ADAMTS5: variants seen among roughly 807,000 people sequenced by gnomAD.
The protein encoded by ADAMTS5 is A disintegrin and metalloproteinase with thrombospondin motifs 5.
Under a neutral mutation model 81.4 loss-of-function variants are expected in ADAMTS5, and 54 were observed. The observed-to-expected ratio is 0.66, with a 90% CI of 0.53 to 0.83. ADAMTS5 has a LOEUF of 0.83. ADAMTS5 is among the 40% of genes least tolerant of loss of function. The pLI, the probability that ADAMTS5 is intolerant of heterozygous loss-of-function variation, is 0.00. For synonymous variants in ADAMTS5, 532 were observed against 508.8 expected (o/e 1.05, Z -0.61); for missense variants, 1,194 against 1,229.9 (o/e 0.97, Z 0.44).
chr21:26,926,317 G>A (rs1824222299), intron 7 of ADAMTS5, among the ~76,000 whole-genome samples: 2 of 152,172 alleles, frequency 1.3e-5, no homozygotes, highest in Admixed American at 6.6e-5. Context: ...TATGAAATGG[G>A]GATATATGAC....
chr21:26,943,263 A>T, intron 3 of ADAMTS5, 117 bp downstream of exon 3: 1 of 1,045,028 alleles, frequency 9.6e-7, no homozygotes, highest in Non-Finnish European at 1.4e-6. Context: ...TTCTGACACT[A>T]TCCACACAAC....
Position 26,966,532 on chromosome 21 carries a change from C to T in ADAMTS5, c.-141G>A. On this transcript the variant is annotated 5_prime_UTR_variant, in exon 1 of 8. Transcript: ENST00000284987. ...AGTCAAGTGTCGGAGGGAGGGGGGCCCGGCAGCAGCGCCAGCCTGTCCGGG... is the reference window on the plus strand; with the variant it reads ...AGTCAAGTGTCGGAGGGAGGGGGGCTCGGCAGCAGCGCCAGCCTGTCCGGG... The T allele has an allele frequency of 1.3e-6, 1 of 797,214 alleles. No homozygotes were observed. 49.4% of individuals were successfully genotyped at this position (797,214 alleles called of 1,614,324 possible).
chr21:26,958,917 C>G (rs563932789), intron 1 of ADAMTS5, among the ~76,000 whole-genome samples: 10 of 152,302 alleles, frequency 6.6e-5, no homozygotes, highest in Non-Finnish European at 1.0e-4. Context: ...GAAGGATACT[C>G]TGGCAAGGAA....
Position 26,919,490 on chromosome 21 carries a change from C to A in ADAMTS5, c.*4563G>T, listed in dbSNP as rs1986648598. 1 of 148,874 alleles carries A rather than the reference C, an allele frequency of 6.7e-6. No individual in the cohort carries two copies. Among genetic ancestry groups the A allele is most frequent in the Non-Finnish European group, 1.5e-5 (1 of 67,734 alleles). The allele number at this position is 148,874 out of a possible 1,614,324, so 9.2% of individuals were successfully genotyped here. ...GTTAATGTCTTTTTTTTTTCAAAAC[C>A]AACATCATCTAACAACATATTCTTT... On this transcript the variant is annotated 3_prime_UTR_variant, in exon 8 of 8. Coordinates refer to ENST00000284987, the MANE Select transcript of ADAMTS5 (RefSeq NM_007038.5).
In ADAMTS5 at chr21:26,966,129, C is replaced by G; in HGVS notation, c.263G>C (p.Gly88Ala). 1 of 1,612,390 alleles carries G rather than the reference C, an allele frequency of 6.2e-7. No homozygotes were observed. ...DQLYSGGGKV[G>A]YLVYAGGRRF... ...CCGGCCGCCCGCGTAGACGAGGTAG[C>G]CCACCTTGCCGCCGCCGGAGTAGAG... Residue 88 changes from glycine (G) to alanine (A), a missense_variant, in exon 1 of 8, where the codon GGC becomes GCC. Transcript: ENST00000284987.
chr21:26,960,853 GC>G (rs1343598805), intron 1 of ADAMTS5, among the ~76,000 whole-genome samples: 3 of 152,158 alleles, frequency 2.0e-5, no homozygotes, highest in Non-Finnish European at 4.4e-5. Flanking sequence ...TGTCTGCAAT[GC>G]CTATCTCCTC....
rs779838483 is a variant in ADAMTS5, at chr21:26,933,031, C to T, written c.1703G>A (p.Gly568Asp). The T allele has an allele frequency of 6.2e-7, 1 of 1,612,850 alleles. No individual in the cohort carries two copies. Among genetic ancestry groups the T allele is most frequent in the Non-Finnish European group, 8.5e-7 (1 of 1,179,652 alleles). ...CCAGGATCCCCAAGATCCCCAGTTG[C>T]CATGGCTTGACGTCTGAAATAGAGA... ...KKKYYSTSSH[G>D]NWGSWGSWGQ... The change falls in exon 5 of 8, where the codon GGC becomes GAC. Residue 568 changes from glycine to aspartate, a missense_variant. By Grantham distance (94) the Gly-to-Asp change is moderately conservative. Transcript: ENST00000284987.
chr21:26,943,153 T>C (rs1217491333), intron 3 of ADAMTS5, among the ~76,000 whole-genome samples: 3 of 152,194 alleles, frequency 2.0e-5, no homozygotes, highest in Admixed American at 6.5e-5. Flanking sequence ...CTGCTTCTCC[T>C]TTGAAATTTT....
intron 1 of ADAMTS5, among the ~76,000 whole-genome samples, chr21:26,962,482 G>A (rs1226886470): frequency 3.3e-5 from 5 of 152,208 alleles, no homozygotes; most frequent in Admixed American, 6.5e-5. Context: ...AAGTGTGATC[G>A]TTTGATAAAT....
intron 3 of ADAMTS5, among the ~76,000 whole-genome samples, chr21:26,936,113 G>A (rs1281382007): frequency 6.6e-6 from 1 of 152,170 alleles, no homozygotes; most frequent in Non-Finnish European, 1.5e-5. Context: ...TATGGCTTCT[G>A]TTAGCATGTG....
In ADAMTS5 at chr21:26,966,804, C is replaced by T. The variant is rs1191049353; in HGVS notation, c.-413G>A. On this transcript the variant is annotated 5_prime_UTR_variant, in exon 1 of 8. Transcript: ENST00000284987. The stretch of plus-strand genomic sequence containing the variant: ...GCACCGGGCTGGCAACTGGTGCGCG[C>T]AGCCTCCCGCCCCCGCGCTGCGCTG... 6.6e-6 allele frequency among the ~76,000 whole-genome samples: 1 copy of T among 152,128 alleles called. No homozygotes were observed. Among genetic ancestry groups the T allele is most frequent in the African/African-American group, 2.4e-5 (1 of 41,412 alleles).
chr21:26,935,855 T>C (rs1987004464), intron 3 of ADAMTS5, among the ~76,000 whole-genome samples: 2 of 152,228 alleles, frequency 1.3e-5, no homozygotes, highest in Admixed American at 1.3e-4. Context: ...GTTTACTTTA[T>C]TTTAGGATTT....
intron 3 of ADAMTS5, among the ~76,000 whole-genome samples, chr21:26,938,112 C>T (rs1001630717): frequency 1.3e-4 from 19 of 151,762 alleles, no homozygotes; most frequent in South Asian, 8.3e-4. Flanking sequence ...TGGTGGCGGG[C>T]GCCTGTAGTC....
Position 26,966,382 on chromosome 21 carries a change from C to T in ADAMTS5, c.10G>A (p.Gly4Arg), listed in dbSNP as rs573850924. 3.4e-6 allele frequency: 5 copies of T among 1,475,764 alleles called. No individual in the cohort carries two copies. Among genetic ancestry groups the T allele is most frequent in the Non-Finnish European group, 4.4e-6 (5 of 1,125,560 alleles). The allele number at this position is 1,475,764 out of a possible 1,614,324, so 91.4% of individuals were successfully genotyped here. Residue 4 changes from glycine to arginine, a missense_variant, in exon 1 of 8, where the codon GGG (glycine) becomes AGG (arginine). By Grantham distance (125) the Gly-to-Arg change is moderately radical. Around this residue, in one of 2 missense-constraint regions of ADAMTS5, gnomAD observed 498 missense variants for 412.3 expected, o/e 1.21. Coordinates refer to ENST00000284987, the MANE Select transcript of ADAMTS5 (RefSeq NM_007038.5). The part of the protein sequence containing the change: MLL[G>R]WASLLLCAFR... ...GCGCACAGCAGCAGGGACGCCCACC[C>T]GAGCAGCATAGTGCGCTGCCCGCGG...
chr21:26,966,657 T>TA lies in ADAMTS5; in HGVS notation c.-267dup, dbSNP rs34772523. On this transcript the variant is annotated 5_prime_UTR_variant, in exon 1 of 8. Coordinates refer to ENST00000284987, the MANE Select transcript of ADAMTS5 (RefSeq NM_007038.5). Reference sequence around the variant, plus strand: ...GTGGGGGGGGGGGGAAAGAAAAGATTAAAAAAAAAAAGTCGGATAGTGGAG... The same window carrying TA: ...GTGGGGGGGGGGGGAAAGAAAAGATTAAAAAAAAAAAAGTCGGATAGTGGAG... The TA allele has an allele frequency of 4.8e-4, 81 of 169,900 alleles. No homozygotes were observed. The highest frequency in any genetic ancestry group is 1.7e-3 in the Middle Eastern group (1 of 578). The allele number at this position is 169,900 out of a possible 1,614,324, so 10.5% of individuals were successfully genotyped here.
intron 7 of ADAMTS5, among the ~76,000 whole-genome samples, chr21:26,925,151 C>T (rs1292073992): frequency 1.3e-5 from 2 of 152,140 alleles, no homozygotes; most frequent in Non-Finnish European, 2.9e-5. Context: ...GGGTCGGGCA[C>T]AGTCAAGAGC....
intron 2 of ADAMTS5, among the ~76,000 whole-genome samples, chr21:26,944,158 C>T (rs1170114674): frequency 6.6e-6 from 1 of 152,274 alleles, no homozygotes; most frequent in African/African-American, 2.4e-5. Flanking sequence ...TTGCTTCATC[C>T]GTTCATTTCT....
chr21:26,924,803 C>T (rs574948417), intron 7 of ADAMTS5, among the ~76,000 whole-genome samples, 183 bp from the exon 8 acceptor site: 12 of 152,226 alleles, frequency 7.9e-5, no homozygotes, highest in African/African-American at 2.2e-4. Context: ...GAGAAAATTG[C>T]AATTATACTA....
Position 26,966,555 on chromosome 21 carries a change from G to T in ADAMTS5, c.-164C>A. The T allele has an allele frequency of 3.5e-6, 2 of 567,926 alleles. No individual in the cohort carries two copies. The highest frequency in any genetic ancestry group is 5.3e-6 in the Non-Finnish European group (2 of 374,002). 35.2% of individuals were successfully genotyped at this position (567,926 alleles called of 1,614,324 possible). A position where few individuals can be genotyped will look rare whatever the true frequency, so the allele number is the denominator to read the frequency against. ...GCCCGGCAGCAGCGCCAGCCTGTCC[G>T]GGCTGCGGTGCCAGCGTGCGAACTT... On this transcript the variant is annotated 5_prime_UTR_variant, in exon 1 of 8. Transcript: ENST00000284987.
Sources: allele counts gnomAD v4.1 joint callset (sites outside exome capture counted in the v4.1 genomes callset), GRCh38; gene constraint gnomAD v4.1.1; regional missense constraint gnomAD v4.1.1; transcripts MANE v1.5; gene names NCBI Gene and HGNC (gene_info 2026-07-23, HGNC 2026-07-21).